MELK: variants seen among roughly 807,000 people sequenced by gnomAD.
MELK encodes the protein pEg3 kinase.
A neutral mutation model predicts 85.0 loss-of-function variants in MELK; 81 were observed. That is an observed-to-expected ratio of 0.95 (90% CI 0.80 to 1.15). MELK has a LOEUF of 1.15. MELK is among the 50% of genes most tolerant of loss of function. MELK has a pLI of 0.00. For synonymous variants in MELK, 252 were observed against 265.0 expected (o/e 0.95, Z 0.48); for missense variants, 754 against 777.5 (o/e 0.97, Z 0.36).
chr9:36,647,432 C>T (rs1564202305), intron 11 of MELK, among the ~76,000 whole-genome samples: 1 of 151,848 alleles, frequency 6.6e-6, no homozygotes, highest in Non-Finnish European at 1.5e-5. Flanking sequence ...ATTTTCCACC[C>T]CACCATAGTT....
intron 9 of MELK, among the ~76,000 whole-genome samples, chr9:36,632,775 A>T (rs1362045406): frequency 6.6e-6 from 1 of 152,212 alleles, no homozygotes; most frequent in African/African-American, 2.4e-5. Context: ...TGAATGTTTA[A>T]TTGGTGAATA....
intron 10 of MELK, among the ~76,000 whole-genome samples, chr9:36,641,633 G>C (rs944625646): frequency 6.9e-6 from 1 of 144,296 alleles, no homozygotes; most frequent in Non-Finnish European, 1.5e-5. Context: ...TGGAGATGGA[G>C]TTTCACTGTT....
intron 7 of MELK, 57 bp from the exon 8 acceptor site, chr9:36,607,518 C>T (rs757315437): frequency 7.0e-6 from 9 of 1,294,058 alleles, no homozygotes; most frequent in Non-Finnish European, 1.0e-5. Context: ...TCCTACCATT[C>T]TGAAATATGT....
At chr9:36,671,762 TA>T (rs1175240807) in intron 16 of MELK, among the ~76,000 whole-genome samples, 1 of 152,216 alleles carries the variant, frequency 6.6e-6, no homozygotes, top group African/African-American at 2.4e-5. Flanking sequence ...TTAGTTGATA[TA>T]AAGTACTTTT....
chr9:36,627,081 C>CACACACACACACAA (rs1328428035), intron 8 of MELK, among the ~76,000 whole-genome samples: 6 of 151,614 alleles, frequency 4.0e-5, no homozygotes, highest in African/African-American at 1.5e-4. Flanking sequence ...CACACACACA[C>CACACACACACACAA]ACACACACGC....
chr9:36,582,923 A>G (rs944732906), intron 2 of MELK, among the ~76,000 whole-genome samples: 5 of 151,838 alleles, frequency 3.3e-5, no homozygotes, highest in African/African-American at 1.2e-4. Context: ...CTGAGTGGAG[A>G]CATTTGTCCA....
chr9:36,630,070 C>T (rs1828374647), intron 8 of MELK: 2 of 451,392 alleles, frequency 4.4e-6, no homozygotes, highest in Admixed American at 3.7e-5. Flanking sequence ...GTCTTGAACT[C>T]CTGATCTCAG....
At chr9:36,671,545 A>G (rs1418788688) in intron 16 of MELK, among the ~76,000 whole-genome samples, 2 of 152,150 alleles carry the variant, frequency 1.3e-5, no homozygotes, top group Non-Finnish European at 2.9e-5. Context: ...AAATATTTGA[A>G]TGCATGGGAA....
At chr9:36,670,589 ATATC>A (rs1190023734) in intron 15 of MELK, among the ~76,000 whole-genome samples, 15 of 151,430 alleles carry the variant, frequency 9.9e-5, no homozygotes, top group Non-Finnish European at 2.1e-4. Flanking sequence ...TGATGTATAT[ATATC>A]AGTGTATATC....
chr9:36,661,851 G>A (rs1192253895), intron 13 of MELK, among the ~76,000 whole-genome samples: 1 of 151,456 alleles, frequency 6.6e-6, no homozygotes, highest in Non-Finnish European at 1.5e-5. Context: ...GCAGGAGAAT[G>A]GCATGAACCC....
intron 1 of MELK, among the ~76,000 whole-genome samples, chr9:36,575,190 T>A (rs1209485417): frequency 6.6e-6 from 1 of 152,206 alleles, no homozygotes; most frequent in Admixed American, 6.5e-5. Flanking sequence ...TCTATTTATT[T>A]AGTCAAGCCC....
In MELK at chr9:36,605,103, G is replaced by GCTGGTCTTGAACTCC. The variant is rs1376075648; in HGVS notation, c.568-2469_568-2455dup. Reference sequence around the variant, plus strand: ...GACAGGGTTTCACCATGTTGGCCCTGCTGGTCTTGAACTCCCTACTTCAGG... The same window carrying GCTGGTCTTGAACTCC: ...GACAGGGTTTCACCATGTTGGCCCTGCTGGTCTTGAACTCCCTGGTCTTGAACTCCCTACTTCAGG... On this transcript the variant is annotated intron_variant, in intron 7 of 17. Transcript: ENST00000298048. 4.6e-5 allele frequency among the ~76,000 whole-genome samples: 7 copies of GCTGGTCTTGAACTCC among 152,166 alleles called. No individual in the cohort carries two copies. The South Asian group carries it at 1.5e-3, about 32-fold the overall frequency.
intron 10 of MELK, among the ~76,000 whole-genome samples, chr9:36,641,645 T>C (rs529919099): frequency 1.3e-5 from 2 of 150,284 alleles, no homozygotes; most frequent in South Asian, 4.2e-4. Flanking sequence ...TTCACTGTTG[T>C]TGCCCAGCCT....
chr9:36,604,962 T>A (rs1825339240), intron 7 of MELK, among the ~76,000 whole-genome samples: 1 of 151,944 alleles, frequency 6.6e-6, no homozygotes, highest in South Asian at 2.1e-4. Flanking sequence ...TTATTTATTT[T>A]TTTGAGACGA....
intron 8 of MELK, among the ~76,000 whole-genome samples, chr9:36,628,685 T>C (rs1451037037): frequency 6.6e-6 from 1 of 152,086 alleles, no homozygotes; most frequent in Non-Finnish European, 1.5e-5. Context: ...CCCAAAGTGC[T>C]GGGATTACAG....
chr9:36,624,158 A>G (rs1827721104), intron 8 of MELK, among the ~76,000 whole-genome samples: 1 of 145,620 alleles, frequency 6.9e-6, no homozygotes, highest in Admixed American at 7.2e-5. Flanking sequence ...ATCTCGGCTC[A>G]CTGTAACCTC....
intron 4 of MELK, among the ~76,000 whole-genome samples, chr9:36,591,440 G>T (rs1823556687): frequency 6.6e-6 from 1 of 152,186 alleles, no homozygotes; most frequent in East Asian, 1.9e-4. Context: ...CAGTTGTGGT[G>T]GTGCATGCCT....
At chr9:36,585,734 C>G (rs965266902) in intron 3 of MELK, among the ~76,000 whole-genome samples, 24 of 152,034 alleles carry the variant, frequency 1.6e-4, no homozygotes, top group African/African-American at 5.8e-4. Flanking sequence ...GCCAGGAGTT[C>G]GAGACTAGCC....
chr9:36,673,306 A>G lies in MELK; in HGVS notation c.1675-1528A>G, dbSNP rs918894410. 8.5e-5 allele frequency among the ~76,000 whole-genome samples: 13 copies of G among 152,336 alleles called. No homozygotes were observed. In the East Asian group the frequency reaches 2.1e-3, roughly 25 times the overall value. ...CACTCAGTTTCACGACATTTGCTCT[A>G]TGGGTGTATTGGGTGCACTATTATT... On this transcript the variant is annotated intron_variant, in intron 16 of 17. Transcript: ENST00000298048.
Sources: gnomAD v4.1 joint callset for allele counts (sites outside exome capture counted in the v4.1 genomes callset) on GRCh38, gnomAD v4.1.1 for gene constraint, MANE v1.5 for transcripts, NCBI Gene and HGNC (gene_info 2026-07-23, HGNC 2026-07-21) for gene names.